The following DTNB variants were observed in gnomAD, a reference collection of about 807,000 sequenced individuals.
DTNB encodes the protein dystrobrevin beta.
Under a neutral mutation model 90.7 loss-of-function variants are expected in DTNB, and 63 were observed. The observed-to-expected ratio is 0.69, with a 90% CI of 0.57 to 0.86. The LOEUF (loss-of-function observed/expected upper bound fraction) is 0.86. Ranked by LOEUF, DTNB falls within the 40% of genes least tolerant of loss-of-function variation. The probability of loss-of-function intolerance (pLI) is 0.00; values close to 1 mark genes in which losing one functional copy is unlikely to be tolerated. For synonymous variants in DTNB, 277 were observed against 286.7 expected (o/e 0.97, Z 0.34); for missense variants, 744 against 807.1 (o/e 0.92, Z 0.95).
Position 25,382,124 on chromosome 2 carries a change from G to T in DTNB, c.1879+1712C>A, listed in dbSNP as rs1410284475. Among the ~76,000 whole-genome samples the T allele has an allele frequency of 2.0e-5, 3 of 152,194 alleles. No homozygotes were observed. The East Asian group carries it at 5.8e-4, about 29-fold the overall frequency. ...AGGTTCTTTCACTCCCCCGAGCCTT[G>T]TTCAGAATTCCTCCCTGGGAGGGCT... On this transcript the variant is annotated intron_variant, in intron 19 of 20. Transcript: ENST00000406818.
At chr2:25,581,456 G>A (rs1483844041) in intron 6 of DTNB, among the ~76,000 whole-genome samples, 1 of 152,182 alleles carries the variant, frequency 6.6e-6, no homozygotes, top group African/African-American at 2.4e-5. Flanking sequence ...GGATGAGATT[G>A]GAACCTACAT....
chr2:25,628,305 G>A lies in DTNB; in HGVS notation c.228C>T (p.Ile76=). The change falls in exon 4 of 21, where the codon ATC becomes ATT. Residue 76 remains isoleucine (I), a synonymous_variant. Coordinates refer to ENST00000406818, the MANE Select transcript of DTNB (RefSeq NM_021907.5). The stretch of plus-strand genomic sequence containing the variant: ...TGACAGTTTCGAGGCGGGACACACT[G>A]ATCTCGGTGGTATGGTCCAGTGTAT... ...GLNTLDHTTE[I]SVSRLETVIS... 1 of 1,613,786 alleles carries A rather than the reference G, an allele frequency of 6.2e-7. No homozygotes were observed. The highest frequency in any genetic ancestry group is 8.5e-7 in the Non-Finnish European group (1 of 1,179,842).
At position 25,427,180 on chromosome 2, in the gene DTNB, A is replaced by AACACACACACACACAC. The variant is rs3041256; in HGVS notation, c.1554+339_1554+354dup. On this transcript the variant is annotated intron_variant, in intron 15 of 20. Coordinates refer to ENST00000406818, the MANE Select transcript of DTNB (RefSeq NM_021907.5). ...GTGACACAGCGAGACTCCATCTCAAAACACACACACACACACACACACACA... is the reference window on the plus strand; with the variant it reads ...GTGACACAGCGAGACTCCATCTCAAAACACACACACACACACACACACACACACACACACACACACA... 1.6e-3 allele frequency among the ~76,000 whole-genome samples: 218 copies of AACACACACACACACAC among 139,644 alleles called. 1 individual carries two copies. Among genetic ancestry groups the AACACACACACACACAC allele is most frequent in the African/African-American group, 4.3e-3 (158 of 36,696 alleles). 91.6% of individuals were successfully genotyped at this position (139,644 alleles called of 152,430 possible). A position where few individuals can be genotyped will look rare whatever the true frequency, so the allele number is the denominator to read the frequency against.
chr2:25,596,455 C>A, intron 5 of DTNB: 1 of 351,114 alleles, frequency 2.8e-6, no homozygotes, highest in Non-Finnish European at 5.0e-6. Flanking sequence ...ACTTAATATT[C>A]TACTTAAACA....
At chr2:25,453,935 C>T (rs2059633447) in intron 11 of DTNB, among the ~76,000 whole-genome samples, 1 of 152,186 alleles carries the variant, frequency 6.6e-6, no homozygotes. Context: ...ATCACGAGGT[C>T]AGGAGATCGG....
chr2:25,614,147 C>G (rs2069503572), intron 4 of DTNB, among the ~76,000 whole-genome samples: 1 of 152,110 alleles, frequency 6.6e-6, no homozygotes, highest in African/African-American at 2.4e-5. Flanking sequence ...TCCTGACACT[C>G]TCAGAAAACT....
intron 6 of DTNB, among the ~76,000 whole-genome samples, chr2:25,593,324 A>G (rs1011548396): frequency 6.6e-6 from 1 of 152,246 alleles, no homozygotes; most frequent in Non-Finnish European, 1.5e-5. Context: ...ATGACGTAAG[A>G]GCTGATTCTC....
chr2:25,585,331 C>T (rs2062186022), intron 6 of DTNB, among the ~76,000 whole-genome samples: 1 of 152,144 alleles, frequency 6.6e-6, no homozygotes, highest in African/African-American at 2.4e-5. Flanking sequence ...TAACAGCTGC[C>T]TGATCCACTG....
chr2:25,664,813 G>C (rs1416666964), intron 1 of DTNB, among the ~76,000 whole-genome samples: 1 of 152,152 alleles, frequency 6.6e-6, no homozygotes, highest in Non-Finnish European at 1.5e-5. Context: ...GCAAAGCTAG[G>C]AATCTGCGGA....
chr2:25,410,751 T>G (rs547599422), intron 16 of DTNB, among the ~76,000 whole-genome samples: 76 of 152,262 alleles, frequency 5.0e-4, no homozygotes, highest in Non-Finnish European at 7.2e-4. Flanking sequence ...CTTCACTCAT[T>G]AGCTTCATGT....
chr2:25,526,090 G>A (rs557607717), intron 9 of DTNB, among the ~76,000 whole-genome samples: 29 of 152,108 alleles, frequency 1.9e-4, no homozygotes, highest in Admixed American at 1.2e-3. Context: ...TATGGAGCCT[G>A]AATGAAAACG....
At chr2:25,629,842 C>G (rs1013835761) in intron 3 of DTNB, among the ~76,000 whole-genome samples, 1 of 152,160 alleles carries the variant, frequency 6.6e-6, no homozygotes, top group African/African-American at 2.4e-5. Context: ...CCCTCAAGAT[C>G]AGGAACAAGA....
chr2:25,634,746 G>A (rs200536191), intron 3 of DTNB, among the ~76,000 whole-genome samples: 2 of 114,246 alleles, frequency 1.8e-5, no homozygotes, highest in African/African-American at 5.5e-5. Flanking sequence ...CCTGTTGATT[G>A]GTGACCTTAC....
At chr2:25,448,670 C>T (rs921804958) in intron 12 of DTNB, among the ~76,000 whole-genome samples, 37 of 152,030 alleles carry the variant, frequency 2.4e-4, no homozygotes, top group African/African-American at 8.2e-4. Flanking sequence ...CTGGCTAACA[C>T]GGTGAAACCC....
chr2:25,643,392 G>C (rs1295680956), intron 2 of DTNB, among the ~76,000 whole-genome samples: 1 of 152,192 alleles, frequency 6.6e-6, no homozygotes, highest in Non-Finnish European at 1.5e-5. Context: ...ACCATTTGTT[G>C]TTGTTTCTGT....
At chr2:25,666,898 C>G (rs2084582307) in intron 1 of DTNB, among the ~76,000 whole-genome samples, 1 of 152,138 alleles carries the variant, frequency 6.6e-6, no homozygotes, top group African/African-American at 2.4e-5. Context: ...CTAAAAAATA[C>G]TGCTGCCAAT....
intron 10 of DTNB, among the ~76,000 whole-genome samples, 191 bp downstream of exon 10, chr2:25,482,605 G>GT (rs779549989): frequency 6.6e-6 from 1 of 152,024 alleles, no homozygotes; most frequent in Admixed American, 6.6e-5. Context: ...TGCTATATTT[G>GT]TGAGTCGGTG....
chr2:25,502,742 C>T (rs1046766139), intron 9 of DTNB, among the ~76,000 whole-genome samples: 3 of 151,460 alleles, frequency 2.0e-5, no homozygotes, highest in Non-Finnish European at 2.9e-5. Context: ...AAAAATTAGC[C>T]GGACATGGTG....
intron 5 of DTNB, among the ~76,000 whole-genome samples, chr2:25,605,454 C>G (rs1189886066): frequency 6.6e-6 from 1 of 152,174 alleles, no homozygotes; most frequent in African/African-American, 2.4e-5. Context: ...CACCTGGATC[C>G]CTTCCAAACC....
Sources: allele counts gnomAD v4.1 joint callset (sites outside exome capture counted in the v4.1 genomes callset), GRCh38; gene constraint gnomAD v4.1.1; transcripts MANE v1.5; gene names NCBI Gene and HGNC (gene_info 2026-07-23, HGNC 2026-07-21).